The following NELFA variants were observed in gnomAD, a reference collection of about 807,000 sequenced individuals.
NELFA encodes the protein negative elongation factor complex member A.
A neutral mutation model predicts 51.8 loss-of-function variants in NELFA; 35 were observed. That is an observed-to-expected ratio of 0.68 (90% CI 0.52 to 0.90). The LOEUF is 0.90. NELFA is among the 40% of genes least tolerant of loss of function. The pLI is 0.00. For missense variants in NELFA, 658 were observed against 746.4 expected, an observed-to-expected ratio of 0.88 and a Z score of 1.38; for synonymous variants, 417 against 338.4, an observed-to-expected ratio of 1.23 and a Z score of -2.55.
rs1299585924 is a variant in NELFA, at chr4:1,985,008, C to T, written c.925-89G>A. 25 of 924,718 alleles carry T rather than the reference C, an allele frequency of 2.7e-5. No homozygotes were observed. In the Admixed American group the frequency reaches 4.3e-4, roughly 16 times the overall value. 57.3% of individuals were successfully genotyped at this position (924,718 alleles called of 1,614,324 possible). A position where few individuals can be genotyped will look rare whatever the true frequency, so the allele number is the denominator to read the frequency against. Reference sequence around the variant, plus strand: ...GGCCCGACCCGGAGCTCCACTGCCACAGGCTGTGGCCCCCCGAGCTAGAGC... The same window carrying T: ...GGCCCGACCCGGAGCTCCACTGCCATAGGCTGTGGCCCCCCGAGCTAGAGC... On this transcript the variant is annotated intron_variant, in intron 7 of 10. Coordinates refer to ENST00000382882, the MANE Select transcript of NELFA (RefSeq NM_005663.5).
chr4:1,986,532 C>T lies in NELFA; in HGVS notation c.635-130G>A, dbSNP rs1285589848. 1.9e-5 allele frequency: 27 copies of T among 1,422,308 alleles called. No individual in the cohort carries two copies. The South Asian group carries it at 2.5e-4, about 13-fold the overall frequency. 88.1% of individuals were successfully genotyped at this position (1,422,308 alleles called of 1,614,324 possible). ...GAAGGGCCAAACCCCTGGCGGGCAG[C>T]GGGCAGGACCCCCAGGATCCCGGAC... On this transcript the variant is annotated intron_variant, in intron 4 of 10. Coordinates refer to ENST00000382882, the MANE Select transcript of NELFA (RefSeq NM_005663.5).
At chr4:2,006,768 CAAAAAAAAAAAAAAAA>C (rs57055347) in intron 1 of NELFA, among the ~76,000 whole-genome samples, 10 of 79,730 alleles carry the variant, frequency 1.3e-4, no homozygotes, top group Admixed American at 2.7e-4. Context: ...GACGCTGTCT[CAAAAAAAAAAAAAAAA>C]AAAAAAAAAA....
Position 1,983,654 on chromosome 4 carries a change from G to C in NELFA, c.1344C>G (p.Ala448=). Reference sequence around the variant, plus strand: ...CCTTCTCGGGCCGCGTGACTTTGTTGGCCGTCTTGAACATCTCCTGGGCAG... The same window carrying C: ...CCTTCTCGGGCCGCGTGACTTTGTTCGCCGTCTTGAACATCTCCTGGGCAG... ...MFAAQEMFKT[A]NKVTRPEKAL... is the part of the protein sequence containing the mutation. Residue 448 remains alanine (A), a synonymous_variant, in exon 10 of 11, where the codon GCC becomes GCG. Coordinates refer to ENST00000382882, the MANE Select transcript of NELFA (RefSeq NM_005663.5). 1 of 1,614,104 alleles carries C rather than the reference G, an allele frequency of 6.2e-7. No individual in the cohort carries two copies.
intron 4 of NELFA, chr4:1,987,658 C>T (rs913152495): frequency 1.4e-5 from 7 of 495,530 alleles, no homozygotes; most frequent in East Asian, 3.5e-5. Flanking sequence ...CCTCAGATCC[C>T]GGCCTTCCTG....
chr4:1,989,060 C>G lies in NELFA; in HGVS notation c.544+648G>C, dbSNP rs1728195218. Among the ~76,000 whole-genome samples, 1 of 151,258 alleles carries G rather than the reference C, an allele frequency of 6.6e-6. No homozygotes were observed. The highest frequency in any genetic ancestry group is 1.5e-5 in the Non-Finnish European group (1 of 67,908). ...TCCCAGGTTCAAGTGATTCTCTTGC[C>G]TCAGCCTCCCAAGCAACTGGGATTA... On this transcript the variant is annotated intron_variant, in intron 3 of 10. Coordinates refer to ENST00000382882, the MANE Select transcript of NELFA (RefSeq NM_005663.5). This position sits in a 1 kb window ranked among gnomAD's most constrained non-coding sequence, Gnocchi z 4.8.
At chr4:1,997,022 G>C (rs1194154889) in intron 1 of NELFA, among the ~76,000 whole-genome samples, 1 of 152,148 alleles carries the variant, frequency 6.6e-6, no homozygotes, top group Non-Finnish European at 1.5e-5. Context: ...GGTGAGGCAG[G>C]AGATCACTTG....
At chr4:1,984,289 G>A (rs916247889) in intron 8 of NELFA, among the ~76,000 whole-genome samples, 176 bp from the exon 9 acceptor site, 5 of 152,194 alleles carry the variant, frequency 3.3e-5, no homozygotes, top group African/African-American at 2.4e-5. Flanking sequence ...AGAGGAACAA[G>A]GCCAGTGGTC....
intron 1 of NELFA, among the ~76,000 whole-genome samples, chr4:2,002,235 C>A (rs1728602308): frequency 6.6e-6 from 1 of 152,020 alleles, no homozygotes; most frequent in Non-Finnish European, 1.5e-5. Flanking sequence ...TAAGAGAGTA[C>A]ACAAACAAAT....
Position 1,983,975 on chromosome 4 carries a change from G to C in NELFA, c.1175C>G (p.Thr392Ser). The C allele has an allele frequency of 6.2e-7, 1 of 1,610,764 alleles. No individual in the cohort carries two copies. The highest frequency in any genetic ancestry group is 8.5e-7 in the Non-Finnish European group (1 of 1,179,664). ...SPATPTPAAP[T>S]SPLTPTTPPA... ...AGGTGTGGTGGGTGTCAGAGGCGAG[G>C]TGGGCGCCGCAGGCGTGGGTGTGGC... Residue 392 changes from threonine (T) to serine (S), a missense_variant, in exon 9 of 11, where the codon ACC (threonine) becomes AGC (serine). Physicochemically the swap from Thr to Ser is moderately conservative, Grantham distance 58. Transcript: ENST00000382882.
At chr4:1,987,801 A>T in intron 4 of NELFA, 117 bp downstream of exon 4, 1 of 871,728 alleles carries the variant, frequency 1.1e-6, no homozygotes, top group Non-Finnish European at 1.7e-6. Context: ...GGCTCCCAAC[A>T]CTGCTGCCTG....
chr4:1,993,710 T>G (rs947228026), intron 1 of NELFA, among the ~76,000 whole-genome samples: 2 of 150,228 alleles, frequency 1.3e-5, no homozygotes, highest in African/African-American at 4.9e-5. Flanking sequence ...AAGGCGCTGG[T>G]GGATTCCCCG....
At chr4:2,000,306 T>G (rs572696818) in intron 1 of NELFA, among the ~76,000 whole-genome samples, 1 of 151,696 alleles carries the variant, frequency 6.6e-6, no homozygotes, top group Non-Finnish European at 1.5e-5. Flanking sequence ...TTAAAGGACA[T>G]AGAGACACGA....
Position 1,984,119 on chromosome 4 carries a change from A to C in NELFA, c.1037-6T>G. 1 of 1,549,590 alleles carries C rather than the reference A, an allele frequency of 6.5e-7. No individual in the cohort carries two copies. The highest frequency in any genetic ancestry group is 8.7e-7 in the Non-Finnish European group (1 of 1,155,340). On this transcript the variant is annotated splice_polypyrimidine_tract_variant and splice_region_variant and intron_variant, in intron 8 of 10. Coordinates refer to ENST00000382882, the MANE Select transcript of NELFA (RefSeq NM_005663.5). ...GGCTTCCCGGGAAGATGGGGCTGCA[A>C]GTAGACCGGGGCCTGGTGAGGGGGC...
intron 1 of NELFA, chr4:1,991,952 A>G (rs1728283722): frequency 2.2e-6 from 1 of 460,862 alleles, no homozygotes; most frequent in Non-Finnish European, 3.8e-6. Flanking sequence ...GTGCCCTCCC[A>G]GCAGCCTCCC....
Position 1,991,557 on chromosome 4 carries a change from T to A in NELFA, c.369A>T (p.Glu123Asp), listed in dbSNP as rs1361073838. 2 of 1,614,008 alleles carry A rather than the reference T, an allele frequency of 1.2e-6. No homozygotes were observed. Among genetic ancestry groups the A allele is most frequent in the Middle Eastern group, 1.6e-4 (1 of 6,062 alleles). ...AGCACAACATACCCTTTTCTCTAAG[T>A]TCTCCCAAAATATCCTGAACGTTGG... ...QNPNVQDILG[E>D]LREKVGECEA... Residue 123 changes from glutamate to aspartate, a missense_variant, in exon 2 of 11, where the codon GAA (glutamate) becomes GAT (aspartate). Around this residue, in one of 3 missense-constraint regions of NELFA, gnomAD observed 371 missense variants for 448.3 expected, o/e 0.83. Coordinates refer to ENST00000382882, the MANE Select transcript of NELFA (RefSeq NM_005663.5).
intron 1 of NELFA, among the ~76,000 whole-genome samples, chr4:2,006,128 A>G (rs1157895647): frequency 6.6e-6 from 1 of 152,258 alleles, no homozygotes; most frequent in Non-Finnish European, 1.5e-5. Flanking sequence ...TTAGTGGGTT[A>G]TTAGCACATC....
intron 8 of NELFA, 124 bp from the exon 9 acceptor site, chr4:1,984,237 C>G: frequency 1.6e-6 from 2 of 1,223,874 alleles, no homozygotes; most frequent in Non-Finnish European, 2.2e-6. Context: ...CAAGAACTCC[C>G]TGTGGCCCCC....
intron 1 of NELFA, among the ~76,000 whole-genome samples, chr4:2,007,427 G>T (rs1728737354): frequency 6.6e-6 from 1 of 152,166 alleles, no homozygotes; most frequent in African/African-American, 2.4e-5. Context: ...CTCACAGACA[G>T]GAATACCACG....
Position 2,008,912 on chromosome 4 carries a change from CTTG to C in NELFA, c.45_47del (p.Asn15del), listed in dbSNP as rs769373197. The stretch of plus-strand genomic sequence containing the variant: ...CCCACAGCTCGTCCGTGGCCCCCAG[CTTG>C]TTGTGCAGCCACAGGCCCGTGTCGC... On this transcript the variant is annotated inframe_deletion, in exon 1 of 11. Transcript: ENST00000382882. The C allele has an allele frequency of 1.3e-6, 2 of 1,580,954 alleles. No individual in the cohort carries two copies. The highest frequency in any genetic ancestry group is 1.7e-6 in the Non-Finnish European group (2 of 1,164,272).
Sources: gnomAD v4.1 joint callset for allele counts (sites outside exome capture counted in the v4.1 genomes callset) on GRCh38, gnomAD v4.1.1 for gene constraint, gnomAD v4.1.1 regional missense constraint, Gnocchi (gnomAD v3.1) non-coding constraint, MANE v1.5 for transcripts, NCBI Gene and HGNC (gene_info 2026-07-23, HGNC 2026-07-21) for gene names.